Variants in HDAC4 observed in about 807,000 individuals in gnomAD.
HDAC4 encodes the protein histone deacetylase A.
Under a neutral mutation model 135.1 loss-of-function variants are expected in HDAC4, and 16 were observed. The ratio of observed to expected loss-of-function variants is 0.12; its 90% confidence interval spans 0.08 to 0.18. The LOEUF (loss-of-function observed/expected upper bound fraction) is 0.18, where lower values mean the gene tolerates loss of function less well. Ranked by LOEUF, HDAC4 falls within the 10% of genes least tolerant of loss-of-function variation. The pLI is 1.00. For missense variants in HDAC4, 1,143 were observed against 1,511.8 expected, an observed-to-expected ratio of 0.76 and a Z score of 4.05; for synonymous variants, 685 against 653.4, an observed-to-expected ratio of 1.05 and a Z score of -0.74.
At chr2:239,389,198 C>A (rs1047798127) in intron 1 of HDAC4, among the ~76,000 whole-genome samples, 1 of 152,146 alleles carries the variant, frequency 6.6e-6, no homozygotes, top group Non-Finnish European at 1.5e-5. Context: ...ATCAGTAGGA[C>A]GTGGGTGGGG....
chr2:239,084,335 G>C (rs901885001), intron 19 of HDAC4, 93 bp from the exon 20 acceptor site: 9 of 818,750 alleles, frequency 1.1e-5, no homozygotes, highest in African/African-American at 1.7e-5. Flanking sequence ...GGTCCACGCA[G>C]ACCTAAGAGG....
intron 3 of HDAC4, among the ~76,000 whole-genome samples, chr2:239,234,589 C>G (rs2047775663): frequency 6.6e-6 from 1 of 152,182 alleles, no homozygotes; most frequent in Non-Finnish European, 1.5e-5. Flanking sequence ...ACATATCTTT[C>G]ATCTTTATGA....
intron 4 of HDAC4, among the ~76,000 whole-genome samples, chr2:239,185,193 ACCCCATGGGGTGCCTGTATC>A (rs1394455479): frequency 6.6e-6 from 1 of 151,250 alleles, no homozygotes; most frequent in Non-Finnish European, 1.5e-5. Flanking sequence ...GGAGAGGTGC[ACCCCATGGGGTGCCTGTATC>A]CCCCATGGGG....
At chr2:239,380,450 ATCTT>A (rs1436058941) in intron 1 of HDAC4, among the ~76,000 whole-genome samples, 1 of 152,002 alleles carries the variant, frequency 6.6e-6, no homozygotes, top group Non-Finnish European at 1.5e-5. Context: ...GTTTTTTCCC[ATCTT>A]TCTCTCTATA....
At chr2:239,090,376 C>A (rs2036393952) in intron 17 of HDAC4, among the ~76,000 whole-genome samples, 1 of 151,250 alleles carries the variant, frequency 6.6e-6, no homozygotes, top group Non-Finnish European at 1.5e-5. Context: ...TCCTTTCCCT[C>A]AATTGCTTCA....
At position 239,115,232 on chromosome 2, in the gene HDAC4, G is replaced by C; in HGVS notation, c.1612C>G (p.Gln538Glu). ...EETEEELREH[Q>E]ALLDEPYLDR... ...AGGTAGGGCTCGTCCAGCAGAGCCT[G>C]GTGCTCACGGAGCTCCTCCTCCGTC... is the stretch of plus-strand genomic sequence containing the variant. The change falls in exon 13 of 27, where the codon CAG becomes GAG. Residue 538 changes from glutamine to glutamate, a missense_variant. Gln to Glu is a conservative substitution (Grantham distance 29). Coordinates refer to ENST00000543185, the MANE Select transcript of HDAC4 (RefSeq NM_001378414.1). This position sits in a 1 kb window ranked among gnomAD's most constrained non-coding sequence, Gnocchi z 6.3. 6 of 1,612,674 alleles carry C rather than the reference G, an allele frequency of 3.7e-6. No homozygotes were observed. Among genetic ancestry groups the C allele is most frequent in the Non-Finnish European group, 5.1e-6 (6 of 1,179,742 alleles).
chr2:239,388,124 G>A (rs1429354519), intron 1 of HDAC4, among the ~76,000 whole-genome samples: 1 of 152,178 alleles, frequency 6.6e-6, no homozygotes, highest in Non-Finnish European at 1.5e-5. Flanking sequence ...GGGAGGCAGC[G>A]AGTTCATTCA....
chr2:239,123,956 G>A (rs61549077), intron 12 of HDAC4, among the ~76,000 whole-genome samples: 11,207 of 151,690 alleles, frequency 0.074, 1,408 homozygotes, highest in African/African-American at 0.26. Context: ...CTGAGCCTCC[G>A]GACAGGTGGA....
In HDAC4 at chr2:239,306,100, C is replaced by T. The variant is rs2052566722; in HGVS notation, c.22+46578G>A. 6.6e-6 allele frequency among the ~76,000 whole-genome samples: 1 copy of T among 152,218 alleles called. No individual in the cohort carries two copies. The highest frequency in any genetic ancestry group is 6.5e-5 in the Admixed American group (1 of 15,290). On this transcript the variant is annotated intron_variant, in intron 2 of 26. Coordinates refer to ENST00000543185, the MANE Select transcript of HDAC4 (RefSeq NM_001378414.1). The surrounding 1 kb of genome is among the most constrained non-coding windows in gnomAD (Gnocchi z 4.5). The stretch of plus-strand genomic sequence containing the variant: ...GTAACTACTTCATCACTCAAGGTCC[C>T]AAAGAATGCTGCCCACCTCGGTCAG...
At chr2:239,238,670 T>C (rs1486246743) in intron 2 of HDAC4, among the ~76,000 whole-genome samples, 2 of 152,252 alleles carry the variant, frequency 1.3e-5, no homozygotes, top group Admixed American at 1.3e-4. Context: ...GAACTGCTTA[T>C]GCCTGAGCCC....
At chr2:239,251,452 G>A (rs1156314631) in intron 2 of HDAC4, among the ~76,000 whole-genome samples, 1 of 152,156 alleles carries the variant, frequency 6.6e-6, no homozygotes, top group Non-Finnish European at 1.5e-5. Flanking sequence ...AAAATCAGCT[G>A]GGTGTGGTGG....
chr2:239,074,670 T>A (rs1228298137), intron 22 of HDAC4, among the ~76,000 whole-genome samples: 1 of 152,168 alleles, frequency 6.6e-6, no homozygotes, highest in Non-Finnish European at 1.5e-5. Flanking sequence ...CATAAGAAGG[T>A]CAGAACGTGA....
Position 239,156,703 on chromosome 2 carries a change from G to C in HDAC4, c.682C>G (p.Pro228Ala), listed in dbSNP as rs1161515878. 1.2e-6 allele frequency: 2 copies of C among 1,613,990 alleles called. No individual in the cohort carries two copies. Among genetic ancestry groups the C allele is most frequent in the African/African-American group, 2.7e-5 (2 of 74,890 alleles). Reference protein sequence around the residue: ...QSGVSTSYNHPVLGMYDAKDD... With the variant: ...QSGVSTSYNHAVLGMYDAKDD... ...TTGGCGTCGTACATTCCCAGGACCG[G>C]GTGGTTATAGGAGGTCGACACTCCG... The change falls in exon 7 of 27, where the codon CCG becomes GCG. Residue 228 changes from proline (P) to alanine (A), a missense_variant. Physicochemically the swap from Pro to Ala is conservative, Grantham distance 27. Transcript: ENST00000543185.
At chr2:239,298,889 G>A (rs900605709) in intron 2 of HDAC4, among the ~76,000 whole-genome samples, 1 of 16,534 alleles carries the variant, frequency 6.0e-5, no homozygotes, top group African/African-American at 2.7e-4. Flanking sequence ...TTTTTTTTTT[G>A]AGATGCAGTC....
chr2:239,349,420 A>G lies in HDAC4; in HGVS notation c.22+3258T>C, dbSNP rs1692962052. ...ATTAATGATTTCTCTTCCTCCCAAA[A>G]CCCACTAAAATGATGAAAAGCAGGA... On this transcript the variant is annotated intron_variant, in intron 2 of 26. Coordinates refer to ENST00000543185, the MANE Select transcript of HDAC4 (RefSeq NM_001378414.1). The surrounding 1 kb of genome is among the most constrained non-coding windows in gnomAD (Gnocchi z 5.7). Among the ~76,000 whole-genome samples, 1 of 152,198 alleles carries G rather than the reference A, an allele frequency of 6.6e-6. No homozygotes were observed. Among genetic ancestry groups the G allele is most frequent in the Non-Finnish European group, 1.5e-5 (1 of 68,030 alleles).
At chr2:239,288,428 CA>C (rs1345951471) in intron 2 of HDAC4, among the ~76,000 whole-genome samples, 3 of 152,106 alleles carry the variant, frequency 2.0e-5, no homozygotes, top group Non-Finnish European at 4.4e-5. Flanking sequence ...TGCTCTTACT[CA>C]AAACTGAACT....
chr2:239,198,267 C>T (rs1239478529), intron 3 of HDAC4, among the ~76,000 whole-genome samples: 1 of 152,172 alleles, frequency 6.6e-6, no homozygotes, highest in Non-Finnish European at 1.5e-5. Flanking sequence ...GCACGAAAAC[C>T]ACCTGCCAAC....
intron 15 of HDAC4, among the ~76,000 whole-genome samples, chr2:239,105,883 G>A (rs1033750670): frequency 6.6e-6 from 1 of 152,178 alleles, no homozygotes. Context: ...GGTGGGTGAC[G>A]TCACGTCCCC....
At chr2:239,212,128 T>C (rs1381244747) in intron 3 of HDAC4, among the ~76,000 whole-genome samples, 3 of 152,192 alleles carry the variant, frequency 2.0e-5, no homozygotes, top group Non-Finnish European at 4.4e-5. Flanking sequence ...GTAAGCCCAA[T>C]GATAAGCATT....
Sources: gnomAD v4.1 joint callset for allele counts (sites outside exome capture counted in the v4.1 genomes callset) on GRCh38, gnomAD v4.1.1 for gene constraint, Gnocchi (gnomAD v3.1) non-coding constraint, MANE v1.5 for transcripts, NCBI Gene and HGNC (gene_info 2026-07-23, HGNC 2026-07-21) for gene names.